CCDC191: variants seen among roughly 807,000 people sequenced by gnomAD.
CCDC191 encodes coiled-coil domain-containing protein 191.
CCDC191 carries 99 observed loss-of-function variants against 114.0 expected under a neutral mutation model. That is an observed-to-expected ratio of 0.87 (90% CI 0.74 to 1.03). The LOEUF (loss-of-function observed/expected upper bound fraction) is 1.03, where lower values mean the gene tolerates loss of function less well. CCDC191 is among the 50% of genes least tolerant of loss of function. The probability of loss-of-function intolerance (pLI) is 0.00; values close to 1 mark genes in which losing one functional copy is unlikely to be tolerated. For missense variants in CCDC191, 973 were observed against 1,087.0 expected (o/e 0.90, Z 1.47); for synonymous variants, 351 against 376.0 (o/e 0.93, Z 0.77).
At chr3:114,040,536 T>G (rs1429190141) in intron 4 of CCDC191, among the ~76,000 whole-genome samples, 1 of 152,098 alleles carries the variant, frequency 6.6e-6, no homozygotes, top group East Asian at 1.9e-4. Flanking sequence ...AGTCTATTTT[T>G]GGGAAAATTA....
chr3:114,019,737 T>C (rs1243280208), intron 7 of CCDC191, among the ~76,000 whole-genome samples: 1 of 152,190 alleles, frequency 6.6e-6, no homozygotes, highest in African/African-American at 2.4e-5. Context: ...GCAGTAACTT[T>C]TGCACCAACC....
chr3:114,018,903 C>G, intron 7 of CCDC191, 35 bp from the exon 8 acceptor site: 1 of 1,596,612 alleles, frequency 6.3e-7, no homozygotes, highest in Non-Finnish European at 8.6e-7. Flanking sequence ...CACCACCCAT[C>G]AGCGCTAGTG....
At chr3:114,027,279 G>T (rs913182425) in intron 7 of CCDC191, among the ~76,000 whole-genome samples, 1 of 152,136 alleles carries the variant, frequency 6.6e-6, no homozygotes, top group East Asian at 1.9e-4. Context: ...AAATAATGTG[G>T]CCCAAATAAG....
chr3:114,001,780 CT>C, intron 12 of CCDC191, 84 bp from the exon 13 acceptor site: 1 of 1,517,096 alleles, frequency 6.6e-7, no homozygotes, highest in Non-Finnish European at 8.9e-7. Flanking sequence ...AGTCAAGCGT[CT>C]ACCAAAGTGC....
At chr3:114,008,047 T>A (rs1372675411) in intron 9 of CCDC191, among the ~76,000 whole-genome samples, 2 of 147,036 alleles carry the variant, frequency 1.4e-5, no homozygotes, top group South Asian at 4.2e-4. Context: ...ACTATATATA[T>A]ATTACTATAT....
chr3:114,003,131 A>G lies in CCDC191; in HGVS notation c.1979-593T>C, dbSNP rs184595718. On this transcript the variant is annotated intron_variant, in intron 11 of 16. Transcript: ENST00000295878. ...ATTTGGAGAACTGGCATCTGAATGA[A>G]TTTGAGTGTCAGACTCCTGTTCTTG... is the stretch of plus-strand genomic sequence containing the variant. 286 of 985,440 alleles carry G rather than the reference A, an allele frequency of 2.9e-4. 12 individuals carry two copies. The East Asian group carries it at 0.016, about 54-fold the overall frequency. The allele number at this position is 985,440 out of a possible 1,614,324, so 61.0% of individuals were successfully genotyped here. A position where few individuals can be genotyped will look rare whatever the true frequency, so the allele number is the denominator to read the frequency against.
intron 3 of CCDC191, among the ~76,000 whole-genome samples, chr3:114,043,826 A>T (rs1465573394): frequency 6.6e-6 from 1 of 152,144 alleles, no homozygotes; most frequent in Non-Finnish European, 1.5e-5. Flanking sequence ...CAGATTACAG[A>T]AAAGAATGTT....
At chr3:114,015,143 T>A (rs1266741080) in intron 8 of CCDC191, among the ~76,000 whole-genome samples, 2 of 151,860 alleles carry the variant, frequency 1.3e-5, no homozygotes, top group East Asian at 1.9e-4. Context: ...TTCCAGACAG[T>A]GCCTGTTAAA....
chr3:114,027,614 A>G (rs1435452585), intron 7 of CCDC191, among the ~76,000 whole-genome samples: 2 of 149,056 alleles, frequency 1.3e-5, no homozygotes, highest in African/African-American at 2.4e-5. Context: ...AAAAAAAAAA[A>G]AAAAAAAAGA....
chr3:114,004,650 A>T lies in CCDC191; in HGVS notation c.1965T>A (p.His655Gln). ...AGACAGCCCTGCCTTTTAGTATGGGATGCGGTGTCATCAATTGCTTTGGTT... is the reference window on the plus strand; with the variant it reads ...AGACAGCCCTGCCTTTTAGTATGGGTTGCGGTGTCATCAATTGCTTTGGTT... The part of the protein sequence containing the change: ...RRKPKQLMTP[H>Q]PILKAMEERA... Residue 655 changes from histidine (H) to glutamine (Q), a missense_variant, in exon 11 of 17, where the codon CAT becomes CAA. Physicochemically the swap from His to Gln is conservative, Grantham distance 24. Transcript: ENST00000295878. 6.2e-7 allele frequency: 1 copy of T among 1,612,230 alleles called. No individual in the cohort carries two copies. The highest frequency in any genetic ancestry group is 8.5e-7 in the Non-Finnish European group (1 of 1,179,034).
At chr3:113,996,861 G>A (rs1402495084) in intron 13 of CCDC191, among the ~76,000 whole-genome samples, 1 of 151,044 alleles carries the variant, frequency 6.6e-6, no homozygotes, top group Non-Finnish European at 1.5e-5. Flanking sequence ...ACACACACTG[G>A]GGCCTGCTGG....
At chr3:114,053,159 A>G (rs1302029991) in intron 2 of CCDC191, among the ~76,000 whole-genome samples, 1 of 152,236 alleles carries the variant, frequency 6.6e-6, no homozygotes, top group African/African-American at 2.4e-5. Context: ...ACACATCTCT[A>G]TAAGAACACC....
chr3:113,965,047 G>T lies in CCDC191; in HGVS notation c.*108C>A. ...AATAATTCCTTTGATCTAAGAAGTAGCTCGTAGAGAATAAACCAGGTGTAT... is the reference window on the plus strand; with the variant it reads ...AATAATTCCTTTGATCTAAGAAGTATCTCGTAGAGAATAAACCAGGTGTAT... On this transcript the variant is annotated 3_prime_UTR_variant, in exon 17 of 17. Coordinates refer to ENST00000295878, the MANE Select transcript of CCDC191 (RefSeq NM_020817.2). The T allele has an allele frequency of 1.7e-6, 1 of 573,946 alleles. No homozygotes were observed. Among genetic ancestry groups the T allele is most frequent in the Non-Finnish European group, 2.9e-6 (1 of 340,346 alleles). The allele number at this position is 573,946 out of a possible 1,614,324, so 35.6% of individuals were successfully genotyped here.
intron 2 of CCDC191, among the ~76,000 whole-genome samples, chr3:114,048,604 T>A (rs954751192): frequency 1.3e-5 from 2 of 152,180 alleles, no homozygotes; most frequent in African/African-American, 2.4e-5. Context: ...CGCATAGGCA[T>A]CCTTCCCTCA....
chr3:114,026,018 A>G lies in CCDC191; in HGVS notation c.972+5608T>C, dbSNP rs891560833. On this transcript the variant is annotated intron_variant, in intron 7 of 16. Coordinates refer to ENST00000295878, the MANE Select transcript of CCDC191 (RefSeq NM_020817.2). ...CTAGTGTTTAGGGGGGAAATATTCTACTCTATACAATTTTAGGGAATGGGC... is the reference window on the plus strand; with the variant it reads ...CTAGTGTTTAGGGGGGAAATATTCTGCTCTATACAATTTTAGGGAATGGGC... Among the ~76,000 whole-genome samples the G allele has an allele frequency of 3.3e-5, 5 of 151,960 alleles. No homozygotes were observed. The South Asian group carries it at 8.3e-4, about 25-fold the overall frequency.
At chr3:114,051,079 T>C (rs2076692991) in intron 2 of CCDC191, among the ~76,000 whole-genome samples, 2 of 152,140 alleles carry the variant, frequency 1.3e-5, no homozygotes, top group Non-Finnish European at 2.9e-5. Flanking sequence ...TTCCCCTCAA[T>C]TCCACTTCAG....
intron 4 of CCDC191, among the ~76,000 whole-genome samples, chr3:114,041,410 G>A (rs1050543530): frequency 2.0e-5 from 3 of 152,188 alleles, no homozygotes; most frequent in Non-Finnish European, 4.4e-5. Context: ...TATTTTAGTT[G>A]TACCATAGGG....
At chr3:114,003,603 T>C in intron 11 of CCDC191, 1 of 985,370 alleles carries the variant, frequency 1.0e-6, no homozygotes, top group Non-Finnish European at 1.2e-6. Flanking sequence ...CTAAAATAGC[T>C]AACTCCTTGA....
intron 13 of CCDC191, among the ~76,000 whole-genome samples, chr3:113,997,700 C>A (rs954566613): frequency 2.6e-5 from 4 of 152,086 alleles, no homozygotes; most frequent in African/African-American, 9.7e-5. Context: ...TTTTTAATAA[C>A]CCAAAGTATA....
Sources: allele counts gnomAD v4.1 joint callset (sites outside exome capture counted in the v4.1 genomes callset), GRCh38; gene constraint gnomAD v4.1.1; transcripts MANE v1.5; gene names NCBI Gene and HGNC (gene_info 2026-07-23, HGNC 2026-07-21).